Variants in TNRC6B observed in about 807,000 individuals in gnomAD.
TNRC6B encodes trinucleotide repeat-containing gene 6B protein.
A neutral mutation model predicts 203.6 loss-of-function variants in TNRC6B; 52 were observed. That is an observed-to-expected ratio of 0.26 (90% confidence interval 0.20 to 0.32). The LOEUF is 0.32. Ranked by LOEUF, TNRC6B falls within the 10% of genes least tolerant of loss-of-function variation. The pLI is 1.00. For synonymous variants in TNRC6B, 838 were observed against 845.7 expected (o/e 0.99, Z 0.16); for missense variants, 1,923 against 2,286.2 (o/e 0.84, Z 3.24).
intron 15 of TNRC6B, among the ~76,000 whole-genome samples, chr22:40,305,400 G>A (rs1001265896): frequency 2.0e-5 from 3 of 152,212 alleles, no homozygotes; most frequent in Non-Finnish European, 4.4e-5. Context: ...TTTTGCTGTA[G>A]TGGAAAGTAC....
chr22:40,312,692 A>AT lies in TNRC6B; in HGVS notation c.4582+45dup, dbSNP rs946291233. On this transcript the variant is annotated intron_variant, in intron 18 of 22. Coordinates refer to ENST00000454349, the MANE Select transcript of TNRC6B (RefSeq NM_001162501.2). ...ATCTCTTATATGTTCAACACCCAGC[A>AT]TTTTCATAGTTGTCAGTTTGTGACT... 3 of 1,578,266 alleles carry AT rather than the reference A, an allele frequency of 1.9e-6. No homozygotes were observed. The African/African-American group carries it at 4.1e-5, about 21-fold the overall frequency.
chr22:40,180,878 C>T lies in TNRC6B; in HGVS notation c.5+2738C>T, dbSNP rs189544966. 1.7e-4 allele frequency among the ~76,000 whole-genome samples: 26 copies of T among 151,750 alleles called. No homozygotes were observed. The East Asian group carries it at 5.0e-3, about 29-fold the overall frequency. ...CTTATTGGAGAAAGTGAATATAATC[C>T]CTATTAACTGCCACCCCCCCCACCA... On this transcript the variant is annotated intron_variant, in intron 1 of 22. Transcript: ENST00000454349.
chr22:40,123,622 A>T (rs2068463498), intron 2 of TNRC6B, among the ~76,000 whole-genome samples: 1 of 152,222 alleles, frequency 6.6e-6, no homozygotes, highest in African/African-American at 2.4e-5. Context: ...GTGGGTCTGG[A>T]GGAAGCAGAC....
intron 5 of TNRC6B, among the ~76,000 whole-genome samples, chr22:40,268,890 G>A (rs1054303346): frequency 2.6e-5 from 4 of 151,242 alleles, no homozygotes; most frequent in Non-Finnish European, 5.9e-5. Flanking sequence ...TCCAGCCTGG[G>A]CGACAGAGCA....
chr22:40,149,989 G>A (rs1038872036), intron 3 of TNRC6B, among the ~76,000 whole-genome samples: 4 of 78,522 alleles, frequency 5.1e-5, no homozygotes, highest in African/African-American at 2.5e-4. Flanking sequence ...TAAAATGAAA[G>A]CCAACAAAAA....
At chr22:40,103,192 C>G (rs1362440510) in intron 1 of TNRC6B, among the ~76,000 whole-genome samples, 1 of 151,596 alleles carries the variant, frequency 6.6e-6, no homozygotes, top group Non-Finnish European at 1.5e-5. Context: ...GGCTTGAACC[C>G]AGGAGTTTGA....
intron 3 of TNRC6B, among the ~76,000 whole-genome samples, chr22:40,151,244 T>C (rs2068749975): frequency 6.6e-6 from 1 of 151,414 alleles, no homozygotes; most frequent in Admixed American, 6.6e-5. Flanking sequence ...GCACTCCAGC[T>C]TGGGCAACAG....
In TNRC6B at chr22:40,331,056, G is replaced by A. The variant is rs982441172; in HGVS notation, c.*7815G>A. The A allele has an allele frequency of 1.3e-5, 2 of 152,602 alleles. No homozygotes were observed. The highest frequency in any genetic ancestry group is 4.8e-5 in the African/African-American group (2 of 41,426). 9.5% of individuals were successfully genotyped at this position (152,602 alleles called of 1,614,324 possible). A position where few individuals can be genotyped will look rare whatever the true frequency, so the allele number is the denominator to read the frequency against. ...TGTTTTGTTTTTTGTTTTTCTGTAA[G>A]CACTGGAGAATTGGAATATGGTGAT... is the stretch of plus-strand genomic sequence containing the variant. On this transcript the variant is annotated 3_prime_UTR_variant, in exon 23 of 23. Coordinates refer to ENST00000454349, the MANE Select transcript of TNRC6B (RefSeq NM_001162501.2).
intron 2 of TNRC6B, among the ~76,000 whole-genome samples, chr22:40,125,213 T>C (rs2146323843): frequency 6.6e-6 from 1 of 152,268 alleles, no homozygotes; most frequent in African/African-American, 2.4e-5. Flanking sequence ...TAAAAATAAA[T>C]GAACTGACAT....
At position 40,246,090 on chromosome 22, in the gene TNRC6B, A is replaced by G; in HGVS notation, c.81A>G (p.Glu27=). ...AGAAAGAGGATAAAAAGAAAAAAGA[A>G]GCCACTCAGAAGGTAGGTTTAATCA... ...KRKKEDKKKK[E]ATQKVTEQKT... The change falls in exon 2 of 23, where the codon GAA becomes GAG. Residue 27 remains glutamate (E), a synonymous_variant. Coordinates refer to ENST00000454349, the MANE Select transcript of TNRC6B (RefSeq NM_001162501.2). The G allele has an allele frequency of 6.5e-7, 1 of 1,548,608 alleles. No individual in the cohort carries two copies.
intron 22 of TNRC6B, chr22:40,321,750 C>G (rs2071336826): frequency 6.5e-6 from 1 of 153,386 alleles, no homozygotes; most frequent in Admixed American, 6.5e-5. Flanking sequence ...CATGCCACTG[C>G]CCTCCAGCCT....
At chr22:40,089,218 G>C (rs117559105) in intron 1 of TNRC6B, among the ~76,000 whole-genome samples, 2 of 152,132 alleles carry the variant, frequency 1.3e-5, no homozygotes, top group East Asian at 1.9e-4. Flanking sequence ...CTGTTAACTT[G>C]ATTTCTTCAT....
intron 1 of TNRC6B, among the ~76,000 whole-genome samples, chr22:40,070,807 A>C (rs2067940144): frequency 1.3e-5 from 2 of 151,744 alleles, no homozygotes; most frequent in African/African-American, 4.8e-5. Context: ...AATAAGATGC[A>C]CTTACCATAT....
intron 9 of TNRC6B, among the ~76,000 whole-genome samples, 175 bp downstream of exon 9, chr22:40,278,219 C>G (rs1340012297): frequency 6.6e-6 from 1 of 152,128 alleles, no homozygotes; most frequent in African/African-American, 2.4e-5. Context: ...CACATGACTA[C>G]AGGAGTCAGC....
In TNRC6B at chr22:40,325,996, A is replaced by G. The variant is rs2071396979; in HGVS notation, c.*2755A>G. ...TGAGAAGCTAAAATGTTCTTCCATC[A>G]TAAGCTTAAAGGGAAAAAAACTAAA... On this transcript the variant is annotated 3_prime_UTR_variant, in exon 23 of 23. Transcript: ENST00000454349. The G allele has an allele frequency of 6.6e-6, 1 of 152,574 alleles. No individual in the cohort carries two copies. 9.5% of individuals were successfully genotyped at this position (152,574 alleles called of 1,614,324 possible).
upstream of TNRC6B, among the ~76,000 whole-genome samples, chr22:40,173,798 T>TATATAA (rs1347105048): frequency 3.3e-5 from 2 of 61,112 alleles, no homozygotes; most frequent in Admixed American, 4.1e-4. Context: ...TATATATTTT[T>TATATAA]TTTTTTTTTT....
chr22:40,089,634 C>T (rs892646895), intron 1 of TNRC6B, among the ~76,000 whole-genome samples: 5 of 152,114 alleles, frequency 3.3e-5, no homozygotes, highest in African/African-American at 4.8e-5. Context: ...TGCCAGCCTC[C>T]CGCAGTGTCA....
chr22:40,315,536 A>G (rs777852888), intron 20 of TNRC6B, 29 bp downstream of exon 20: 25 of 1,606,548 alleles, frequency 1.6e-5, no homozygotes, highest in Non-Finnish European at 2.1e-5. Context: ...AAGGAACACC[A>G]TTGTTCATCC....
rs151027013 is a variant in TNRC6B at position 40,104,797 on chromosome 22, C to T, written c.-120-12258C>T. On this transcript the variant is annotated intron_variant, in intron 1 of 23. Coordinates refer to the TNRC6B transcript ENST00000301923. ...ATTCCAAAAATTTTACATATGTTTA[C>T]TCATTTAATCTTCACTTCAACCCCT... is the stretch of plus-strand genomic sequence containing the variant. Among the ~76,000 whole-genome samples, 406 of 152,278 alleles carry T rather than the reference C, an allele frequency of 2.7e-3. 2 individuals carry two copies. Among genetic ancestry groups the T allele is most frequent in the Non-Finnish European group, 4.7e-3 (317 of 68,014 alleles).
Sources: gnomAD v4.1 joint callset for allele counts (sites outside exome capture counted in the v4.1 genomes callset) on GRCh38, gnomAD v4.1.1 for gene constraint, MANE v1.5 for transcripts, NCBI Gene and HGNC (gene_info 2026-07-23, HGNC 2026-07-21) for gene names.